Variants in LY96 observed in about 807,000 individuals in gnomAD.
The protein encoded by LY96 is lymphocyte antigen 96.
Under a neutral mutation model 18.9 loss-of-function variants are expected in LY96, and 18 were observed. The observed-to-expected ratio is 0.95, with a 90% CI of 0.66 to 1.41. The LOEUF is 1.41. Ranked by LOEUF, LY96 falls within the 40% of genes most tolerant of loss-of-function variation. The pLI, the probability that LY96 is intolerant of heterozygous loss-of-function variation, is 0.00. For synonymous variants in LY96, 66 were observed against 62.6 expected (o/e 1.06, Z -0.26); for missense variants, 175 against 182.4 (o/e 0.96, Z 0.23).
intron 1 of LY96, among the ~76,000 whole-genome samples, chr8:73,994,702 G>C (rs1348227985): frequency 6.6e-6 from 1 of 152,148 alleles, no homozygotes; most frequent in East Asian, 1.9e-4. Flanking sequence ...GTCCATGCTG[G>C]TTTTGAACTC....
chr8:74,045,332 G>T, the LY96 span, among the ~76,000 whole-genome samples: 19 of 152,222 alleles, frequency 1.2e-4, no homozygotes, highest in Non-Finnish European at 2.9e-5. Context: ...ATAAAAACAC[G>T]AAGGCTACAA....
At chr8:74,090,079 G>A in the LY96 span, among the ~76,000 whole-genome samples, 3 of 152,088 alleles carry the variant, frequency 2.0e-5, no homozygotes, top group African/African-American at 7.2e-5. Flanking sequence ...GGAGGTTTGT[G>A]GTCTGACTTA....
chr8:74,030,586 T>C (rs896534680), downstream of LY96, among the ~76,000 whole-genome samples: 7 of 152,192 alleles, frequency 4.6e-5, no homozygotes, highest in African/African-American at 1.4e-4. Context: ...CTGTTTCTCT[T>C]TCTCTTCTCT....
chr8:74,020,408 C>A (rs758933141), intron 3 of LY96, among the ~76,000 whole-genome samples: 8 of 151,994 alleles, frequency 5.3e-5, no homozygotes, highest in East Asian at 1.9e-4. Flanking sequence ...CACTGCCCAA[C>A]GAAATAAAAG....
At chr8:74,012,766 G>A (rs1205606476) in intron 3 of LY96, among the ~76,000 whole-genome samples, 2 of 151,690 alleles carry the variant, frequency 1.3e-5, no homozygotes, top group African/African-American at 4.8e-5. Context: ...TTGATTATAG[G>A]TATGAGCCAT....
the LY96 span, among the ~76,000 whole-genome samples, chr8:74,047,266 T>C: frequency 6.6e-6 from 1 of 152,204 alleles, no homozygotes; most frequent in Non-Finnish European, 1.5e-5. Context: ...TTTTCTGCAC[T>C]AGAGGGACTA....
the LY96 span, among the ~76,000 whole-genome samples, chr8:74,083,680 A>G: frequency 1.3e-5 from 2 of 152,210 alleles, no homozygotes; most frequent in East Asian, 3.9e-4. Flanking sequence ...TGGTTGGGAT[A>G]CCACTTAAAT....
At chr8:74,087,484 G>C in the LY96 span, among the ~76,000 whole-genome samples, 2 of 152,170 alleles carry the variant, frequency 1.3e-5, no homozygotes, top group African/African-American at 2.4e-5. Flanking sequence ...TCAGCACTCA[G>C]GCTCCAATCA....
At chr8:74,096,772 A>G in the LY96 span, among the ~76,000 whole-genome samples, 2 of 152,190 alleles carry the variant, frequency 1.3e-5, no homozygotes, top group Non-Finnish European at 2.9e-5. Context: ...ATGTTTGTTG[A>G]ATGAATGAAA....
At chr8:74,084,527 G>T in the LY96 span, among the ~76,000 whole-genome samples, 2 of 152,162 alleles carry the variant, frequency 1.3e-5, no homozygotes, top group Non-Finnish European at 2.9e-5. Flanking sequence ...TTCAGAGATT[G>T]TACCCCTTCT....
At chr8:74,004,966 C>G in intron 2 of LY96, 81 bp downstream of exon 2, 2 of 1,431,682 alleles carry the variant, frequency 1.4e-6, no homozygotes, top group South Asian at 2.3e-5. Flanking sequence ...TTCAAATATA[C>G]TTGTATTCGT....
the LY96 span, among the ~76,000 whole-genome samples, chr8:74,079,961 G>A: frequency 2.0e-5 from 3 of 152,310 alleles, 1 homozygote; most frequent in African/African-American, 7.2e-5. Flanking sequence ...CATCCAGGCT[G>A]TGGGATACTC....
At position 73,996,017 on chromosome 8, in the gene LY96, C is replaced by T. The variant is rs186240143; in HGVS notation, c.112+4463C>T. ...TTGCATTTTAAATCAGGATGGCCAG[C>T]CAGATGTGATGGCACTCACCAGTAG... On this transcript the variant is annotated intron_variant, in intron 1 of 4. Coordinates refer to ENST00000284818, the MANE Select transcript of LY96 (RefSeq NM_015364.5). Among the ~76,000 whole-genome samples the T allele has an allele frequency of 1.7e-3, 255 of 152,140 alleles. 3 individuals carry two copies. The highest frequency in any genetic ancestry group is 0.015 in the South Asian group (72 of 4,822).
At chr8:74,029,178 G>A, downstream of LY96, 2 of 652,080 alleles carry the variant, frequency 3.1e-6, no homozygotes, top group South Asian at 3.6e-5. Flanking sequence ...GAAGAAAGAA[G>A]CTTATCCTCA....
chr8:73,993,219 C>T (rs2131248115), intron 1 of LY96, among the ~76,000 whole-genome samples: 1 of 152,072 alleles, frequency 6.6e-6, no homozygotes, highest in East Asian at 1.9e-4. Flanking sequence ...ATTTAGCTTT[C>T]AATCTTTTCT....
intron 1 of LY96, among the ~76,000 whole-genome samples, chr8:74,002,581 T>G (rs1379114865): frequency 1.3e-5 from 2 of 150,372 alleles, no homozygotes; most frequent in East Asian, 3.9e-4. Flanking sequence ...TTCTTTTTTT[T>G]TTTTTTTTGA....
chr8:74,025,940 A>G (rs1816863099), intron 3 of LY96, among the ~76,000 whole-genome samples: 1 of 152,062 alleles, frequency 6.6e-6, no homozygotes, highest in South Asian at 2.1e-4. Context: ...CCCGTGAGGC[A>G]GAGGTTGCAG....
At chr8:74,083,084 G>T in the LY96 span, among the ~76,000 whole-genome samples, 1 of 151,972 alleles carries the variant, frequency 6.6e-6, no homozygotes, top group Non-Finnish European at 1.5e-5. Flanking sequence ...TTTGAAGTAA[G>T]TTCCAGGTAT....
chr8:74,074,435 C>A, the LY96 span, among the ~76,000 whole-genome samples: 1 of 151,570 alleles, frequency 6.6e-6, no homozygotes, highest in African/African-American at 2.4e-5. Flanking sequence ...TTTCAAAAAA[C>A]CAGCTTTTAA....
Sources: gnomAD v4.1 joint callset for allele counts (sites outside exome capture counted in the v4.1 genomes callset) on GRCh38, gnomAD v4.1.1 for gene constraint, MANE v1.5 for transcripts, NCBI Gene and HGNC (gene_info 2026-07-23, HGNC 2026-07-21) for gene names.